Variants in PDE4D observed in about 807,000 individuals in gnomAD.
PDE4D encodes 3',5'-cyclic-AMP phosphodiesterase 4D.
Under a neutral mutation model 87.4 loss-of-function variants are expected in PDE4D, and 24 were observed. The observed-to-expected ratio is 0.27, with a 90% CI of 0.20 to 0.39. PDE4D has a LOEUF of 0.39. Ranked by LOEUF, PDE4D falls within the 10% of genes least tolerant of loss-of-function variation. The probability of loss-of-function intolerance (pLI) is 1.00; values close to 1 mark genes in which losing one functional copy is unlikely to be tolerated. For missense variants in PDE4D, 714 were observed against 1,041.0 expected (o/e 0.69, Z 4.32); for synonymous variants, 384 against 383.2 (o/e 1.00, Z -0.02).
At chr5:59,669,946 A>G (rs2150324554) in intron 1 of PDE4D, among the ~76,000 whole-genome samples, 1 of 152,296 alleles carries the variant, frequency 6.6e-6, no homozygotes. Flanking sequence ...TTATGATTCC[A>G]TAACACTGCA....
chr5:59,683,908 T>A (rs1020107930), intron 1 of PDE4D, among the ~76,000 whole-genome samples: 1 of 152,198 alleles, frequency 6.6e-6, no homozygotes, highest in Non-Finnish European at 1.5e-5. Context: ...TGTTCTGAAT[T>A]GGATTGGGCT....
At chr5:59,278,637 A>C (rs190090567) in intron 1 of PDE4D, among the ~76,000 whole-genome samples, 1 of 152,196 alleles carries the variant, frequency 6.6e-6, no homozygotes, top group East Asian at 1.9e-4. Flanking sequence ...CTATACCATG[A>C]TTTGATATTT....
intron 6 of PDE4D, among the ~76,000 whole-genome samples, chr5:59,003,346 T>G (rs983212456): frequency 1.3e-5 from 2 of 152,178 alleles, no homozygotes; most frequent in African/African-American, 4.8e-5. Context: ...CTAGTACTCC[T>G]CCACCTTCAC....
At position 59,397,680 on chromosome 5, in the gene PDE4D, C is replaced by T. The variant is rs540161799; in HGVS notation, c.456-181712G>A. Among the ~76,000 whole-genome samples, 47 of 116,890 alleles carry T rather than the reference C, an allele frequency of 4.0e-4. 9 individuals carry two copies. The South Asian group carries it at 9.6e-3, about 24-fold the overall frequency. The allele number at this position is 116,890 out of a possible 152,430, so 76.7% of individuals were successfully genotyped here. A position where few individuals can be genotyped will look rare whatever the true frequency, so the allele number is the denominator to read the frequency against. ...ATCACAAGTAAAAGAACTAGAAAAGCAAGAGCAAACACATTCAAAAGCTAG... is the reference window on the plus strand; with the variant it reads ...ATCACAAGTAAAAGAACTAGAAAAGTAAGAGCAAACACATTCAAAAGCTAG... On this transcript the variant is annotated intron_variant, in intron 1 of 14. Transcript: ENST00000340635.
chr5:59,402,963 A>G (rs1191059157), intron 1 of PDE4D, among the ~76,000 whole-genome samples: 1 of 152,204 alleles, frequency 6.6e-6, no homozygotes, highest in African/African-American at 2.4e-5. Context: ...ACGTTTACTG[A>G]TAAACCAAAT....
At chr5:60,408,664 C>CA (rs113150186) in intron 1 of PDE4D, among the ~76,000 whole-genome samples, 5,361 of 152,016 alleles carry the variant, frequency 0.035, 286 homozygotes, top group African/African-American at 0.12. Context: ...AGCTAAATAT[C>CA]AAAAAAAGTG....
intron 1 of PDE4D, among the ~76,000 whole-genome samples, chr5:59,323,856 C>A (rs1307580684): frequency 6.6e-6 from 1 of 152,050 alleles, no homozygotes; most frequent in Non-Finnish European, 1.5e-5. Context: ...CCCACTGCAG[C>A]AGAATAAAGT....
At chr5:59,243,411 A>T (rs1397194451) in intron 1 of PDE4D, among the ~76,000 whole-genome samples, 1 of 151,070 alleles carries the variant, frequency 6.6e-6, no homozygotes, top group African/African-American at 2.4e-5. Context: ...TCCCTTTTTT[A>T]AAAAAGAGAA....
chr5:59,707,356 C>A (rs1393858021), intron 1 of PDE4D, among the ~76,000 whole-genome samples: 2 of 152,108 alleles, frequency 1.3e-5, no homozygotes, highest in Non-Finnish European at 2.9e-5. Context: ...AAAATACAGT[C>A]TCTGCCTTTA....
intron 2 of PDE4D, among the ~76,000 whole-genome samples, chr5:59,998,194 T>C (rs879641766): frequency 2.0e-5 from 3 of 151,932 alleles, no homozygotes; most frequent in African/African-American, 4.9e-5. Context: ...AGCCCAAATG[T>C]AACATTGCCC....
chr5:59,309,475 C>T (rs1772133457), intron 1 of PDE4D, among the ~76,000 whole-genome samples: 1 of 152,226 alleles, frequency 6.6e-6, no homozygotes, highest in Non-Finnish European at 1.5e-5. Flanking sequence ...CAGCTCTCCA[C>T]ATTGACTCAG....
At position 59,814,002 on chromosome 5, in the gene PDE4D, T is replaced by C. The variant is rs76753543; in HGVS notation, c.455+79166A>G. 1.0e-3 allele frequency among the ~76,000 whole-genome samples: 155 copies of C among 152,298 alleles called. 2 individuals carry two copies. The East Asian group carries it at 0.01, about 10-fold the overall frequency. Reference sequence around the variant, plus strand: ...ACTCTATATTCTGTCCCTAAGTTAATGTAAGAGATTCATACGCCTTAGGAA... The same window carrying C: ...ACTCTATATTCTGTCCCTAAGTTAACGTAAGAGATTCATACGCCTTAGGAA... On this transcript the variant is annotated intron_variant, in intron 1 of 14. Transcript: ENST00000340635.
At chr5:59,577,936 T>C (rs1455125914) in intron 1 of PDE4D, among the ~76,000 whole-genome samples, 1 of 152,198 alleles carries the variant, frequency 6.6e-6, no homozygotes, top group Non-Finnish European at 1.5e-5. Flanking sequence ...CTGGGTTACA[T>C]CAGTTCTGGT....
chr5:60,384,514 G>A (rs1762072614), intron 1 of PDE4D, among the ~76,000 whole-genome samples: 2 of 152,260 alleles, frequency 1.3e-5, no homozygotes, highest in South Asian at 2.1e-4. Context: ...AAGCCTCTCT[G>A]CAGTCTTTGA....
At chr5:59,759,012 T>C (rs1168463030) in intron 1 of PDE4D, among the ~76,000 whole-genome samples, 2 of 152,112 alleles carry the variant, frequency 1.3e-5, no homozygotes, top group Non-Finnish European at 2.9e-5. Context: ...TTCAATATAC[T>C]GAATGAATCG....
At chr5:59,219,483 A>C (rs1023371006) in intron 1 of PDE4D, among the ~76,000 whole-genome samples, 1 of 152,150 alleles carries the variant, frequency 6.6e-6, no homozygotes, top group Non-Finnish European at 1.5e-5. Context: ...CTCCAGTCTG[A>C]AGTATCAGCC....
In PDE4D at chr5:58,989,928, A is replaced by G. The variant is rs1485583415; in HGVS notation, c.1288-9T>C. On this transcript the variant is annotated splice_polypyrimidine_tract_variant and intron_variant, in intron 9 of 14. Transcript: ENST00000340635. ...TTTAATAAATCCCGTTCCTGTAGGA[A>G]AAAAAATCATCTTAACATTTTTGTC... 6.8e-7 allele frequency: 1 copy of G among 1,474,540 alleles called. No homozygotes were observed. The highest frequency in any genetic ancestry group is 9.3e-7 in the Non-Finnish European group (1 of 1,070,188). The allele number at this position is 1,474,540 out of a possible 1,614,324, so 91.3% of individuals were successfully genotyped here.
At chr5:59,273,873 A>G (rs1276731367) in intron 1 of PDE4D, among the ~76,000 whole-genome samples, 1 of 152,150 alleles carries the variant, frequency 6.6e-6, no homozygotes, top group Non-Finnish European at 1.5e-5. Context: ...AATGTTACTC[A>G]TCTCCTGAAA....
chr5:60,248,225 G>A (rs1006726417), intron 1 of PDE4D, among the ~76,000 whole-genome samples: 14 of 151,896 alleles, frequency 9.2e-5, no homozygotes, highest in Non-Finnish European at 1.6e-4. Flanking sequence ...TGTGTAATAC[G>A]GATATCTGGG....
Sources: allele counts gnomAD v4.1 joint callset (sites outside exome capture counted in the v4.1 genomes callset), GRCh38; gene constraint gnomAD v4.1.1; transcripts MANE v1.5; gene names NCBI Gene and HGNC (gene_info 2026-07-23, HGNC 2026-07-21).